CHRM3: variants seen among roughly 807,000 people sequenced by gnomAD.
CHRM3 encodes muscarinic acetylcholine receptor M3.
A neutral mutation model predicts 41.8 loss-of-function variants in CHRM3; 11 were observed. The observed-to-expected ratio is 0.26, with a 90% CI of 0.17 to 0.44. The LOEUF (loss-of-function observed/expected upper bound fraction) is 0.44, where lower values mean the gene tolerates loss of function less well. CHRM3 is among the 20% of genes least tolerant of loss of function. CHRM3 has a pLI of 1.00. For synonymous variants in CHRM3, 297 were observed against 301.4 expected (o/e 0.99, Z 0.15); for missense variants, 571 against 745.4 (o/e 0.77, Z 2.72).
At chr1:239,603,589 A>G (rs544753136) in intron 3 of CHRM3, among the ~76,000 whole-genome samples, 17 of 152,248 alleles carry the variant, frequency 1.1e-4, no homozygotes, top group African/African-American at 3.8e-4. Flanking sequence ...TTTTATAGCC[A>G]GGGGCTTCTA....
intron 1 of CHRM3, among the ~76,000 whole-genome samples, chr1:239,428,032 G>A (rs541306856): frequency 2.4e-4 from 36 of 152,288 alleles, no homozygotes; most frequent in African/African-American, 7.9e-4. Context: ...CTAACAGGAA[G>A]ATAGGGGTAG....
chr1:239,772,164 T>A lies in CHRM3; in HGVS notation c.-146-55088T>A, dbSNP rs147526008. Among the ~76,000 whole-genome samples, 1,271 of 152,274 alleles carry A rather than the reference T, an allele frequency of 8.3e-3. 22 individuals carry two copies. Among genetic ancestry groups the A allele is most frequent in the African/African-American group, 0.03 (1,232 of 41,560 alleles). On this transcript the variant is annotated intron_variant, in intron 5 of 6. Coordinates refer to ENST00000676153, the MANE Select transcript of CHRM3 (RefSeq NM_001375978.1). Reference sequence around the variant, plus strand: ...CTATGTATATACTTTTCTTTTTTTTTCTTTGAGACGGAGGTTCACTCTGTC... The same window carrying A: ...CTATGTATATACTTTTCTTTTTTTTACTTTGAGACGGAGGTTCACTCTGTC...
chr1:239,738,346 G>GCT (rs1432094166), intron 5 of CHRM3, among the ~76,000 whole-genome samples: 1 of 152,150 alleles, frequency 6.6e-6, no homozygotes, highest in Admixed American at 6.6e-5. Context: ...ACATTGCTCA[G>GCT]CTCTTCAGCA....
At chr1:239,544,007 G>A (rs1659045665) in intron 2 of CHRM3, among the ~76,000 whole-genome samples, 1 of 152,164 alleles carries the variant, frequency 6.6e-6, no homozygotes. Context: ...ATTCGCACAA[G>A]TCTTTTAGTT....
At chr1:239,419,134 A>T (rs1661731820) in intron 1 of CHRM3, among the ~76,000 whole-genome samples, 1 of 152,174 alleles carries the variant, frequency 6.6e-6, no homozygotes, top group Non-Finnish European at 1.5e-5. Flanking sequence ...CAAAGGCAAT[A>T]CTAATAGCCA....
chr1:239,412,951 A>G (rs61182975), intron 1 of CHRM3, among the ~76,000 whole-genome samples: 87,106 of 151,438 alleles, frequency 0.58, 25,243 homozygotes, highest in African/African-American at 0.62. Context: ...GGTGGCGCAC[A>G]TCTATAATCC....
At chr1:239,649,192 G>A (rs1278071811) in intron 4 of CHRM3, among the ~76,000 whole-genome samples, 1 of 152,052 alleles carries the variant, frequency 6.6e-6, no homozygotes, top group African/African-American at 2.4e-5. Flanking sequence ...GCCTTTGGGA[G>A]GTTACAAGGG....
chr1:239,905,907 A>G (rs924111278), intron 6 of CHRM3, among the ~76,000 whole-genome samples: 1 of 152,242 alleles, frequency 6.6e-6, no homozygotes, highest in Non-Finnish European at 1.5e-5. Context: ...CATTTACTGT[A>G]TCAGCTCCTG....
rs575331091 is a variant in CHRM3 at position 239,615,088 on chromosome 1, CG to C, written c.-312-17133del. On this transcript the variant is annotated intron_variant, in intron 3 of 6. Transcript: ENST00000676153. ...GCAGATACCCTGAAGAAAAAGGATGCGGGAGGTCAGGCTTTGAAAAAGCATA... is the reference window on the plus strand; with the variant it reads ...GCAGATACCCTGAAGAAAAAGGATGCGGAGGTCAGGCTTTGAAAAAGCATA... Among the ~76,000 whole-genome samples, 409 of 152,138 alleles carry C rather than the reference CG, an allele frequency of 2.7e-3. 2 individuals carry two copies. The highest frequency in any genetic ancestry group is 9.4e-3 in the African/African-American group (391 of 41,526).
chr1:239,671,577 G>GA (rs902345843), intron 4 of CHRM3, among the ~76,000 whole-genome samples: 2 of 151,012 alleles, frequency 1.3e-5, no homozygotes, highest in African/African-American at 2.4e-5. Flanking sequence ...ATGTCAAAAA[G>GA]AAAAAAAAGG....
chr1:239,562,175 G>A (rs935906628), intron 3 of CHRM3, among the ~76,000 whole-genome samples: 1 of 152,160 alleles, frequency 6.6e-6, no homozygotes, highest in Non-Finnish European at 1.5e-5. Context: ...TGATCAGTCC[G>A]TGCAGGCCAT....
At chr1:239,555,251 T>C (rs1232961257) in intron 3 of CHRM3, among the ~76,000 whole-genome samples, 1 of 152,190 alleles carries the variant, frequency 6.6e-6, no homozygotes. Context: ...TCCCAGTTTT[T>C]TGGTTCTTTG....
intron 6 of CHRM3, among the ~76,000 whole-genome samples, chr1:239,839,474 A>C (rs1382160062): frequency 6.6e-6 from 1 of 152,204 alleles, no homozygotes; most frequent in Non-Finnish European, 1.5e-5. Context: ...TAGGAATAGT[A>C]ACTTCGAGTC....
intron 5 of CHRM3, among the ~76,000 whole-genome samples, chr1:239,691,239 A>G (rs1659686402): frequency 6.6e-6 from 1 of 152,102 alleles, no homozygotes; most frequent in African/African-American, 2.4e-5. Flanking sequence ...CTTTTATTTG[A>G]AACTTGCAGG....
At chr1:239,539,711 C>T (rs976515530) in intron 2 of CHRM3, among the ~76,000 whole-genome samples, 1 of 152,122 alleles carries the variant, frequency 6.6e-6, no homozygotes, top group Non-Finnish European at 1.5e-5. Context: ...CTCACTGCAG[C>T]CTCAACCTCC....
At chr1:239,866,221 C>T (rs1040077318) in intron 6 of CHRM3, among the ~76,000 whole-genome samples, 1 of 151,850 alleles carries the variant, frequency 6.6e-6, no homozygotes. Flanking sequence ...ACTAAAAATA[C>T]AAAAAATTAG....
intron 5 of CHRM3, chr1:239,706,186 T>C (rs1388252357): frequency 4.0e-5 from 6 of 149,808 alleles, no homozygotes; most frequent in Non-Finnish European, 8.9e-5. Context: ...GAATATGCAA[T>C]AAAATGTAAT....
At chr1:239,438,298 AT>A (rs910158650) in intron 1 of CHRM3, among the ~76,000 whole-genome samples, 22 of 151,998 alleles carry the variant, frequency 1.4e-4, no homozygotes, top group African/African-American at 5.1e-4. Context: ...AGAAATCTTG[AT>A]TTTTTTTCAT....
intron 6 of CHRM3, among the ~76,000 whole-genome samples, chr1:239,850,989 C>T (rs758491255): frequency 5.3e-5 from 8 of 152,074 alleles, no homozygotes; most frequent in Non-Finnish European, 1.0e-4. Context: ...GACACAGGTA[C>T]CATTTTTATA....
Sources: gnomAD v4.1 joint callset for allele counts (sites outside exome capture counted in the v4.1 genomes callset) on GRCh38, gnomAD v4.1.1 for gene constraint, MANE v1.5 for transcripts, NCBI Gene and HGNC (gene_info 2026-07-23, HGNC 2026-07-21) for gene names.